SUPT3H: variants seen among roughly 807,000 people sequenced by gnomAD.
The protein encoded by SUPT3H is transcription initiation protein SPT3 homolog.
Under a neutral mutation model 44.3 loss-of-function variants are expected in SUPT3H, and 44 were observed. The ratio of observed to expected loss-of-function variants is 0.99; its 90% CI spans 0.78 to 1.28. The LOEUF (loss-of-function observed/expected upper bound fraction) is 1.28, where lower values mean the gene tolerates loss of function less well. Ranked by LOEUF, SUPT3H falls within the 50% of genes most tolerant of loss-of-function variation. The pLI is 0.00. For synonymous variants in SUPT3H, 124 were observed against 125.6 expected (o/e 0.99, Z 0.09); for missense variants, 380 against 387.1 (o/e 0.98, Z 0.15).
At chr6:44,903,051 A>G (rs1235253367) in intron 10 of SUPT3H, among the ~76,000 whole-genome samples, 1 of 152,188 alleles carries the variant, frequency 6.6e-6, no homozygotes, top group Admixed American at 6.5e-5. Context: ...GGAAATTTAT[A>G]GCACTAAATG....
intron 2 of SUPT3H, among the ~76,000 whole-genome samples, chr6:45,308,897 T>C (rs1162438850): frequency 1.3e-5 from 2 of 151,992 alleles, no homozygotes; most frequent in East Asian, 1.9e-4. Context: ...GCTAGTCATT[T>C]TGAATAAGAA....
intron 11 of SUPT3H, among the ~76,000 whole-genome samples, chr6:44,811,411 G>A (rs1161903983): frequency 6.6e-6 from 1 of 152,204 alleles, no homozygotes; most frequent in Non-Finnish European, 1.5e-5. Context: ...GGTTAAACAT[G>A]GTTAAAAGAT....
chr6:45,285,786 G>A (rs55951053), intron 2 of SUPT3H, among the ~76,000 whole-genome samples: 2 of 152,104 alleles, frequency 1.3e-5, no homozygotes, highest in African/African-American at 2.4e-5. Context: ...GCATTGCCAA[G>A]TCAATCCTAA....
Position 45,201,774 on chromosome 6 carries a change from C to T in SUPT3H, c.102-95768G>A, listed in dbSNP as rs140472250. 2.1e-3 allele frequency among the ~76,000 whole-genome samples: 325 copies of T among 151,916 alleles called. 1 individual carries two copies. The highest frequency in any genetic ancestry group is 7.5e-3 in the African/African-American group (311 of 41,504). ...CATTTCCAAACAGATAGCTGTGGAC[C>T]CCATTTTCCTTTAAAATAATATGTC... On this transcript the variant is annotated intron_variant, in intron 2 of 10. Coordinates refer to ENST00000371459, the MANE Select transcript of SUPT3H (RefSeq NM_003599.4).
chr6:45,105,742 T>C (rs1041766541), intron 3 of SUPT3H, among the ~76,000 whole-genome samples, 180 bp downstream of exon 3: 1 of 152,196 alleles, frequency 6.6e-6, no homozygotes, highest in South Asian at 2.1e-4. Context: ...AATATTCCAT[T>C]GTTGAGGCTC....
At chr6:45,364,161 A>G (rs1458958790) in intron 2 of SUPT3H, among the ~76,000 whole-genome samples, 1 of 151,994 alleles carries the variant, frequency 6.6e-6, no homozygotes, top group African/African-American at 2.4e-5. Context: ...AAATATTAAT[A>G]GATATAACCC....
At chr6:44,943,526 T>C (rs528585769) in intron 9 of SUPT3H, among the ~76,000 whole-genome samples, 1 of 152,192 alleles carries the variant, frequency 6.6e-6, no homozygotes, top group African/African-American at 2.4e-5. Context: ...ATTCAAGAGA[T>C]TCAAGATTCA....
intron 10 of SUPT3H, among the ~76,000 whole-genome samples, chr6:44,893,433 T>C (rs1396465521): frequency 6.6e-6 from 1 of 151,792 alleles, no homozygotes; most frequent in African/African-American, 2.4e-5. Context: ...TGTGTCCATG[T>C]GTTCTCATTG....
chr6:44,926,534 G>A (rs1769544607), intron 10 of SUPT3H, among the ~76,000 whole-genome samples: 1 of 151,820 alleles, frequency 6.6e-6, no homozygotes, highest in South Asian at 2.1e-4. Context: ...TAAATCTAAT[G>A]CCCTACAAAA....
At chr6:45,280,243 T>C (rs1390444976) in intron 2 of SUPT3H, among the ~76,000 whole-genome samples, 1 of 152,154 alleles carries the variant, frequency 6.6e-6, no homozygotes. Context: ...GGCTCACACC[T>C]GTAATCCCAT....
At chr6:44,864,995 C>A (rs187524960) in intron 10 of SUPT3H, among the ~76,000 whole-genome samples, 1 of 152,324 alleles carries the variant, frequency 6.6e-6, no homozygotes, top group African/African-American at 2.4e-5. Flanking sequence ...GCCTTTAACA[C>A]ACCAAGTCAC....
intron 2 of SUPT3H, among the ~76,000 whole-genome samples, chr6:45,128,553 TATATACACAC>T (rs1169994289): frequency 7.9e-4 from 51 of 64,432 alleles, no homozygotes; most frequent in Admixed American, 2.0e-3. Context: ...TATATATATA[TATATACACAC>T]ACACACACAC....
intron 3 of SUPT3H, among the ~76,000 whole-genome samples, chr6:45,023,610 C>T (rs1785494114): frequency 6.6e-6 from 1 of 152,076 alleles, no homozygotes; most frequent in African/African-American, 2.4e-5. Context: ...AGAATGAGAT[C>T]ATGTCTTTTG....
intron 6 of SUPT3H, among the ~76,000 whole-genome samples, chr6:44,966,792 G>A (rs1316065102): frequency 6.6e-6 from 1 of 152,154 alleles, no homozygotes; most frequent in Non-Finnish European, 1.5e-5. Context: ...TCATATCATT[G>A]TCAAAGGCAC....
At chr6:44,977,459 T>C (rs1307231303) in intron 6 of SUPT3H, among the ~76,000 whole-genome samples, 1 of 152,168 alleles carries the variant, frequency 6.6e-6, no homozygotes, top group Admixed American at 6.5e-5. Flanking sequence ...AAAAATACTT[T>C]TTAAAAAAAA....
At chr6:44,905,040 A>C (rs1245010659) in intron 10 of SUPT3H, among the ~76,000 whole-genome samples, 8 of 152,258 alleles carry the variant, frequency 5.3e-5, no homozygotes, top group Middle Eastern at 3.4e-3. Context: ...TAAAGACTTA[A>C]ACGTTAGACC....
At chr6:45,065,435 G>T (rs1372900077) in intron 3 of SUPT3H, among the ~76,000 whole-genome samples, 1 of 128,088 alleles carries the variant, frequency 7.8e-6, no homozygotes, top group Non-Finnish European at 1.7e-5. Context: ...TCAAAAGCTA[G>T]CAGAAGGCAA....
chr6:45,283,978 G>T (rs1778690946), intron 2 of SUPT3H, among the ~76,000 whole-genome samples: 1 of 152,166 alleles, frequency 6.6e-6, no homozygotes. Flanking sequence ...ACCTGCTCCT[G>T]AATGACTACT....
chr6:44,835,918 T>G (rs1769790535), intron 10 of SUPT3H, among the ~76,000 whole-genome samples: 1 of 152,126 alleles, frequency 6.6e-6, no homozygotes, highest in African/African-American at 2.4e-5. Context: ...GGTCATTAGA[T>G]TCTGAGTCTA....
Sources: gnomAD v4.1 joint callset for allele counts (sites outside exome capture counted in the v4.1 genomes callset) on GRCh38, gnomAD v4.1.1 for gene constraint, MANE v1.5 for transcripts, NCBI Gene and HGNC (gene_info 2026-07-23, HGNC 2026-07-21) for gene names.